Variants in FXYD6 observed in about 807,000 individuals in gnomAD.
FXYD6 encodes the protein FXYD domain containing ion transport regulator 6.
Under a neutral mutation model 16.7 loss-of-function variants are expected in FXYD6, and 7 were observed. The observed-to-expected ratio is 0.42, with a 90% CI of 0.24 to 0.79. FXYD6 has a LOEUF of 0.79. Among genes scored for constraint, FXYD6 ranks in the 30% least tolerant of loss-of-function variants. The pLI is 0.28. For synonymous variants in FXYD6, 49 were observed against 43.0 expected (o/e 1.14, Z -0.54); for missense variants, 111 against 116.2 (o/e 0.95, Z 0.21).
At chr11:117,865,800 G>T (rs537812951) in intron 1 of FXYD6, among the ~76,000 whole-genome samples, 1 of 152,140 alleles carries the variant, frequency 6.6e-6, no homozygotes, top group Admixed American at 6.5e-5. Context: ...GGTGGTGCGC[G>T]CCTGTAGTTC....
intron 1 of FXYD6, among the ~76,000 whole-genome samples, chr11:117,847,034 G>A (rs529220952): frequency 8.5e-5 from 13 of 152,254 alleles, no homozygotes; most frequent in African/African-American, 2.9e-4. Flanking sequence ...ATTTGTTTAG[G>A]TCCTTTTCAA....
intron 1 of FXYD6, among the ~76,000 whole-genome samples, chr11:117,860,982 C>T (rs1001248029): frequency 6.6e-6 from 1 of 152,206 alleles, no homozygotes; most frequent in South Asian, 2.1e-4. Context: ...AGCAACCTGG[C>T]TCCAGGGTCC....
At chr11:117,874,538 C>CTTCCCTCTTTCTGGT (rs1374867471) in intron 1 of FXYD6, among the ~76,000 whole-genome samples, 1 of 152,210 alleles carries the variant, frequency 6.6e-6, no homozygotes, top group Admixed American at 6.5e-5. Context: ...GGCCCCTCTC[C>CTTCCCTCTTTCTGGT]TTCCCTCTTT....
At chr11:117,842,190 G>C in intron 2 of FXYD6, 162 bp from the exon 3 acceptor site, 1 of 973,704 alleles carries the variant, frequency 1.0e-6, no homozygotes. Flanking sequence ...GGGCCTGCCA[G>C]TTAGGGGGTT....
chr11:117,850,802 T>A (rs989197742), intron 1 of FXYD6, among the ~76,000 whole-genome samples: 3 of 152,104 alleles, frequency 2.0e-5, no homozygotes, highest in African/African-American at 7.2e-5. Flanking sequence ...TTAGTGATTT[T>A]TTTTTTTCTT....
intron 1 of FXYD6, among the ~76,000 whole-genome samples, chr11:117,863,039 C>T (rs1387858788): frequency 6.6e-6 from 1 of 152,176 alleles, no homozygotes; most frequent in Non-Finnish European, 1.5e-5. Context: ...CAAGCATTAG[C>T]TCAAAGAAAC....
intron 1 of FXYD6, among the ~76,000 whole-genome samples, chr11:117,867,630 G>C (rs1425052992): frequency 1.3e-5 from 2 of 152,144 alleles, no homozygotes; most frequent in African/African-American, 4.8e-5. Flanking sequence ...TCTGGCATAT[G>C]AAAATCTCTA....
At chr11:117,841,958 T>C (rs748416379) in intron 3 of FXYD6, 32 bp downstream of exon 3, 16 of 1,614,102 alleles carry the variant, frequency 9.9e-6, no homozygotes, top group Non-Finnish European at 1.3e-5. Flanking sequence ...GCATTCCCCC[T>C]GACCCCTGCA....
At position 117,838,075 on chromosome 11, in the gene FXYD6, A is replaced by G; in HGVS notation, c.*224T>C. The G allele has an allele frequency of 1.5e-6, 1 of 674,538 alleles. No homozygotes were observed. Among genetic ancestry groups the G allele is most frequent in the Non-Finnish European group, 2.7e-6 (1 of 369,550 alleles). 41.8% of individuals were successfully genotyped at this position (674,538 alleles called of 1,614,324 possible). ...CACACACACACACACACATCACGGGAGGTGGGCAGGACCGCAGGCTGCAGT... is the reference window on the plus strand; with the variant it reads ...CACACACACACACACACATCACGGGGGGTGGGCAGGACCGCAGGCTGCAGT... On this transcript the variant is annotated 3_prime_UTR_variant, in exon 8 of 8. Coordinates refer to ENST00000526014, the MANE Select transcript of FXYD6 (RefSeq NM_022003.4).
chr11:117,845,644 C>G (rs1214091305), intron 1 of FXYD6, among the ~76,000 whole-genome samples: 1 of 152,056 alleles, frequency 6.6e-6, no homozygotes, highest in African/African-American at 2.4e-5. Context: ...TTTCTTTTTC[C>G]CCCTCAATTT....
In FXYD6 at chr11:117,838,019, C is replaced by A; in HGVS notation, c.*280G>T. 1.7e-6 allele frequency: 1 copy of A among 605,720 alleles called. No individual in the cohort carries two copies. Among genetic ancestry groups the A allele is most frequent in the Admixed American group, 2.7e-5 (1 of 37,414 alleles). 37.5% of individuals were successfully genotyped at this position (605,720 alleles called of 1,614,324 possible). The stretch of plus-strand genomic sequence containing the variant: ...TCCACAAACAAGTAGCCACAAAGAC[C>A]ACAGTTAGCAAACACACACAGTCAC... On this transcript the variant is annotated 3_prime_UTR_variant, in exon 8 of 8. Coordinates refer to ENST00000526014, the MANE Select transcript of FXYD6 (RefSeq NM_022003.4).
In FXYD6 at chr11:117,841,650, C is replaced by G. The variant is rs996382539; in HGVS notation, c.172+141G>C. The G allele has an allele frequency of 1.3e-5, 11 of 841,948 alleles. No individual in the cohort carries two copies. The African/African-American group carries it at 1.8e-4, about 14-fold the overall frequency. 52.2% of individuals were successfully genotyped at this position (841,948 alleles called of 1,614,324 possible). ...CACTTACTATGTGCCCAGCACTCTA[C>G]TGGGTCGTGAAGATAACACGGAGGG... is the stretch of plus-strand genomic sequence containing the variant. On this transcript the variant is annotated intron_variant, in intron 4 of 7. Coordinates refer to ENST00000526014, the MANE Select transcript of FXYD6 (RefSeq NM_022003.4).
chr11:117,856,364 C>T (rs2056725524), intron 1 of FXYD6, among the ~76,000 whole-genome samples: 1 of 152,142 alleles, frequency 6.6e-6, no homozygotes, highest in Non-Finnish European at 1.5e-5. Flanking sequence ...TACAGTGAAA[C>T]TTCATTATCT....
chr11:117,858,678 TC>T (rs2056809047), intron 1 of FXYD6, among the ~76,000 whole-genome samples: 3 of 88,110 alleles, frequency 3.4e-5, no homozygotes, highest in African/African-American at 1.5e-4. Flanking sequence ...TTTCTTTCTT[TC>T]TTTCTTTCTT....
At chr11:117,861,901 CTA>C (rs1333215284) in intron 1 of FXYD6, among the ~76,000 whole-genome samples, 6 of 152,234 alleles carry the variant, frequency 3.9e-5, no homozygotes, top group Admixed American at 6.5e-5. Flanking sequence ...GACAAACATC[CTA>C]TGTCATCCAG....
chr11:117,851,647 C>T (rs2056613337), intron 1 of FXYD6, among the ~76,000 whole-genome samples: 1 of 152,152 alleles, frequency 6.6e-6, no homozygotes, highest in Non-Finnish European at 1.5e-5. Context: ...TGTTTTTGAA[C>T]GTTAGTCATC....
intron 1 of FXYD6, among the ~76,000 whole-genome samples, chr11:117,847,475 T>G (rs2056499089): frequency 1.3e-5 from 2 of 151,700 alleles, no homozygotes; most frequent in African/African-American, 2.4e-5. Context: ...TAACTCGTCA[T>G]TTAACATTAG....
rs1040011679 is a variant in FXYD6 at position 117,837,319 on chromosome 11, C to A, written c.*980G>T. On this transcript the variant is annotated 3_prime_UTR_variant, in exon 8 of 8. Transcript: ENST00000526014. The surrounding 1 kb of genome is among the most constrained non-coding windows in gnomAD (Gnocchi z 4.4). ...GCCTCTGCTCTCCCTCCATCCATCC[C>A]GGTGTGCTGGCCCCAACGGAACAGG... 2.6e-5 allele frequency: 4 copies of A among 152,468 alleles called. No homozygotes were observed. Among genetic ancestry groups the A allele is most frequent in the African/African-American group, 9.7e-5 (4 of 41,448 alleles). 9.4% of individuals were successfully genotyped at this position (152,468 alleles called of 1,614,324 possible). A position where few individuals can be genotyped will look rare whatever the true frequency, so the allele number is the denominator to read the frequency against.
rs140344912 is a variant in FXYD6 at position 117,846,455 on chromosome 11, G to C, written c.-5-3674C>G. 6.2e-3 allele frequency among the ~76,000 whole-genome samples: 938 copies of C among 152,180 alleles called. 10 individuals are homozygous for C. The highest frequency in any genetic ancestry group is 0.022 in the African/African-American group (908 of 41,522). ...ATTTTTGTGTCTTAAGACATCCTTTGTCACCCTGAGGTCAGAGTTTTCATC... is the reference window on the plus strand; with the variant it reads ...ATTTTTGTGTCTTAAGACATCCTTTCTCACCCTGAGGTCAGAGTTTTCATC... On this transcript the variant is annotated intron_variant, in intron 1 of 7. Coordinates refer to ENST00000526014, the MANE Select transcript of FXYD6 (RefSeq NM_022003.4).
Sources: allele counts gnomAD v4.1 joint callset (sites outside exome capture counted in the v4.1 genomes callset), GRCh38; gene constraint gnomAD v4.1.1; non-coding constraint Gnocchi (gnomAD v3.1); transcripts MANE v1.5; gene names NCBI Gene and HGNC (gene_info 2026-07-23, HGNC 2026-07-21).